The following SLC8B1 variants were observed in gnomAD, a reference collection of about 807,000 sequenced individuals.
SLC8B1 encodes mitochondrial sodium/calcium exchanger protein.
Under a neutral mutation model 63.4 loss-of-function variants are expected in SLC8B1, and 52 were observed. That is an observed-to-expected ratio of 0.82 (90% CI 0.66 to 1.03). The LOEUF (loss-of-function observed/expected upper bound fraction) is 1.03. Ranked by LOEUF, SLC8B1 falls within the 50% of genes least tolerant of loss-of-function variation. The pLI, the probability that SLC8B1 is intolerant of heterozygous loss-of-function variation, is 0.00. For synonymous variants in SLC8B1, 336 were observed against 323.9 expected, an observed-to-expected ratio of 1.04 and a Z score of -0.40; for missense variants, 657 against 741.7, an observed-to-expected ratio of 0.89 and a Z score of 1.33.
At chr12:113,322,109 G>A (rs1956939624) in intron 2 of SLC8B1, among the ~76,000 whole-genome samples, 1 of 151,936 alleles carries the variant, frequency 6.6e-6, no homozygotes, top group African/African-American at 2.4e-5. Context: ...GAGGTGGGAG[G>A]ATCACCTGAG....
intron 11 of SLC8B1, among the ~76,000 whole-genome samples, chr12:113,315,013 C>T (rs1192183492): frequency 6.6e-6 from 1 of 152,226 alleles, no homozygotes; most frequent in Non-Finnish European, 1.5e-5. Flanking sequence ...TGGCTGTGCA[C>T]GGTGGCTCAC....
At chr12:113,334,000 C>A (rs913587873) in intron 1 of SLC8B1, among the ~76,000 whole-genome samples, 1 of 152,204 alleles carries the variant, frequency 6.6e-6, no homozygotes, top group African/African-American at 2.4e-5. Context: ...TGAGCCACCA[C>A]ACCCAGCAGA....
chr12:113,300,534 A>T (rs1956572210), intron 15 of SLC8B1, among the ~76,000 whole-genome samples: 1 of 152,218 alleles, frequency 6.6e-6, no homozygotes, highest in Admixed American at 6.5e-5. Context: ...CAGCCTCAAC[A>T]GTGTTTGAGG....
chr12:113,306,597 C>T lies in SLC8B1; in HGVS notation c.1412-22G>A, dbSNP rs773485192. The T allele has an allele frequency of 2.5e-6, 4 of 1,609,764 alleles. No individual in the cohort carries two copies. In the African/African-American group the frequency reaches 4.0e-5, roughly 16 times the overall value. On this transcript the variant is annotated intron_variant, in intron 13 of 15. Coordinates refer to ENST00000680972, the MANE Select transcript of SLC8B1 (RefSeq NM_001358345.2). ...GCATCTGCACAGGAACAAGAGGGGCCTGCAGTGGTGAGTCGCTTCCCCCAC... is the reference window on the plus strand; with the variant it reads ...GCATCTGCACAGGAACAAGAGGGGCTTGCAGTGGTGAGTCGCTTCCCCCAC...
In SLC8B1 at chr12:113,321,182, G is replaced by A. The variant is rs978289062; in HGVS notation, c.309+14C>T. On this transcript the variant is annotated intron_variant, in intron 3 of 15. Transcript: ENST00000680972. ...ACCAGCCCCTCTCACCAGCCCCCCA[G>A]GGCAGGGCCTCACGTAGAGAGTGAC... is the stretch of plus-strand genomic sequence containing the variant. 9 of 1,613,926 alleles carry A rather than the reference G, an allele frequency of 5.6e-6. No individual in the cohort carries two copies. The highest frequency in any genetic ancestry group is 1.6e-4 in the Middle Eastern group (1 of 6,084).
chr12:113,312,990 C>T (rs139505227), intron 11 of SLC8B1, among the ~76,000 whole-genome samples: 93 of 152,220 alleles, frequency 6.1e-4, no homozygotes, highest in African/African-American at 2.2e-3. Flanking sequence ...ACTGCAGCCT[C>T]TGCCTCCTGG....
rs567250501 is a variant in SLC8B1 at position 113,311,337 on chromosome 12, C to G, written c.1136-982G>C. ...TGGTGGCACACACCTGTAGTCCCAGCTACTCAGGAGGCTAAGGCAGGAGAA... is the reference window on the plus strand; with the variant it reads ...TGGTGGCACACACCTGTAGTCCCAGGTACTCAGGAGGCTAAGGCAGGAGAA... On this transcript the variant is annotated intron_variant, in intron 11 of 15. Transcript: ENST00000680972. Among the ~76,000 whole-genome samples, 9 of 152,232 alleles carry G rather than the reference C, an allele frequency of 5.9e-5. No homozygotes were observed. The South Asian group carries it at 1.9e-3, about 32-fold the overall frequency.
At chr12:113,318,494 TGTG>T (rs1956874976) in intron 8 of SLC8B1, among the ~76,000 whole-genome samples, 1 of 151,820 alleles carries the variant, frequency 6.6e-6, no homozygotes, top group South Asian at 2.1e-4. Flanking sequence ...ATGTGTGAGT[TGTG>T]TGTGTGCATG....
At chr12:113,300,278 C>A (rs1275864569) in intron 15 of SLC8B1, among the ~76,000 whole-genome samples, 6 of 152,016 alleles carry the variant, frequency 3.9e-5, no homozygotes, top group Non-Finnish European at 8.8e-5. Context: ...AGGAGTTCGA[C>A]CTGTATTGGC....
intron 15 of SLC8B1, among the ~76,000 whole-genome samples, chr12:113,301,353 T>G (rs1053458417): frequency 1.5e-5 from 2 of 129,502 alleles, no homozygotes; most frequent in Admixed American, 7.4e-5. Context: ...TTTTTTTTTT[T>G]GACATGGAGT....
rs1956678513 is a variant in SLC8B1 at position 113,306,555 on chromosome 12, G to C, written c.1432C>G (p.Leu478Val). The change falls in exon 14 of 16, where the codon CTG becomes GTG. Residue 478 changes from leucine (L) to valine (V), a missense_variant. Physicochemically the swap from Leu to Val is conservative, Grantham distance 32. Coordinates refer to ENST00000680972, the MANE Select transcript of SLC8B1 (RefSeq NM_001358345.2). ...ATCCGTGGGTAGCCCTGGCGAGCCA[G>C]TGTGAAATCCGAGAAGGCATCTGCA... Reference protein sequence around the residue: ...SIGDAFSDFTLARQGYPRMAF... With the variant: ...SIGDAFSDFTVARQGYPRMAF... The C allele has an allele frequency of 1.2e-6, 2 of 1,613,932 alleles. No individual in the cohort carries two copies. The highest frequency in any genetic ancestry group is 1.7e-6 in the Non-Finnish European group (2 of 1,179,994).
At chr12:113,304,251 C>A in intron 15 of SLC8B1, 70 bp downstream of exon 15, 2 of 1,450,598 alleles carry the variant, frequency 1.4e-6, no homozygotes, top group African/African-American at 2.8e-5. Context: ...AAAGCCAGGG[C>A]CTTCCTGCCC....
intron 1 of SLC8B1, among the ~76,000 whole-genome samples, chr12:113,333,857 C>T (rs1277925708): frequency 3.9e-5 from 6 of 152,222 alleles, no homozygotes; most frequent in Admixed American, 2.0e-4. Context: ...TACAGGCACA[C>T]ACCACCATGC....
chr12:113,315,607 T>C, intron 10 of SLC8B1, 131 bp from the exon 11 acceptor site: 1 of 1,150,956 alleles, frequency 8.7e-7, no homozygotes, highest in Non-Finnish European at 1.2e-6. Context: ...GGTTCCAGGC[T>C]AAGTGCCTGG....
intron 1 of SLC8B1, among the ~76,000 whole-genome samples, chr12:113,333,535 A>G (rs1199760415): frequency 6.6e-6 from 1 of 152,180 alleles, no homozygotes; most frequent in African/African-American, 2.4e-5. Context: ...GGGTAGCACT[A>G]GCATTCCATT....
intron 15 of SLC8B1, among the ~76,000 whole-genome samples, chr12:113,300,637 T>TGGCCCCAGAAGTTTCCAGACGC: frequency 6.6e-6 from 1 of 152,202 alleles, no homozygotes; most frequent in Non-Finnish European, 1.5e-5. Flanking sequence ...TACCCAGACG[T>TGGCCCCAGAAGTTTCCAGACGC]GGCCCCAGAA....
chr12:113,313,962 A>G (rs1002237378), intron 11 of SLC8B1, among the ~76,000 whole-genome samples: 1 of 152,178 alleles, frequency 6.6e-6, no homozygotes, highest in Non-Finnish European at 1.5e-5. Context: ...GTGAGCTGAG[A>G]TCATGCCACT....
intron 9 of SLC8B1, 40 bp from the exon 10 acceptor site, chr12:113,316,696 G>A (rs995105326): frequency 5.6e-6 from 9 of 1,605,106 alleles, no homozygotes; most frequent in Non-Finnish European, 7.7e-6. Context: ...GCCTGCGGCT[G>A]ACTTGCTCTC....
chr12:113,310,146 C>G, intron 12 of SLC8B1, 88 bp downstream of exon 12: 1 of 1,503,538 alleles, frequency 6.7e-7, no homozygotes, highest in Non-Finnish European at 8.9e-7. Context: ...TCAAACTGGT[C>G]AAAGTGCCTC....
Sources: gnomAD v4.1 joint callset for allele counts (sites outside exome capture counted in the v4.1 genomes callset) on GRCh38, gnomAD v4.1.1 for gene constraint, MANE v1.5 for transcripts, NCBI Gene and HGNC (gene_info 2026-07-23, HGNC 2026-07-21) for gene names.